The following RGL1 variants were observed in gnomAD, a reference collection of about 807,000 sequenced individuals.
RGL1 encodes ral guanine nucleotide dissociation stimulator-like 1.
A neutral mutation model predicts 95.2 loss-of-function variants in RGL1; 24 were observed. The observed-to-expected ratio is 0.25, with a 90% CI of 0.18 to 0.35. The LOEUF (loss-of-function observed/expected upper bound fraction) is 0.35. Ranked by LOEUF, RGL1 falls within the 10% of genes least tolerant of loss-of-function variation. RGL1 has a pLI of 1.00. For synonymous variants in RGL1, 329 were observed against 344.9 expected, an observed-to-expected ratio of 0.95 and a Z score of 0.51; for missense variants, 715 against 936.3, an observed-to-expected ratio of 0.76 and a Z score of 3.08.
At chr1:183,669,563 G>A (rs1181129183) in intron 1 of RGL1, among the ~76,000 whole-genome samples, 2 of 152,018 alleles carry the variant, frequency 1.3e-5, no homozygotes, top group Non-Finnish European at 2.9e-5. Context: ...TTGTCTTTTA[G>A]TTTGCCTTAT....
At chr1:183,716,118 A>C (rs1349252426) in intron 1 of RGL1, among the ~76,000 whole-genome samples, 1 of 152,198 alleles carries the variant, frequency 6.6e-6, no homozygotes, top group Non-Finnish European at 1.5e-5. Flanking sequence ...AACAATGTTA[A>C]ACCAACTATC....
At chr1:183,902,948 T>A (rs765228871) in intron 12 of RGL1, among the ~76,000 whole-genome samples, 5 of 152,190 alleles carry the variant, frequency 3.3e-5, no homozygotes, top group Non-Finnish European at 5.9e-5. Flanking sequence ...GCTTCAGCAA[T>A]AGCAGGCTTG....
chr1:183,919,818 G>A (rs540815951), intron 16 of RGL1, among the ~76,000 whole-genome samples: 37 of 152,270 alleles, frequency 2.4e-4, no homozygotes, highest in African/African-American at 8.4e-4. Flanking sequence ...CCAAAGCATC[G>A]TTCAGTACCG....
intron 15 of RGL1, among the ~76,000 whole-genome samples, chr1:183,912,660 G>T (rs1362942512): frequency 6.6e-6 from 1 of 152,180 alleles, no homozygotes; most frequent in Admixed American, 6.5e-5. Context: ...CCAAAAGTCA[G>T]TGACTTAAAA....
chr1:183,713,429 A>G (rs1233297631), intron 1 of RGL1, among the ~76,000 whole-genome samples: 1 of 139,538 alleles, frequency 7.2e-6, no homozygotes, highest in African/African-American at 2.7e-5. Context: ...TTATCTTAAA[A>G]ATTCCAGGAT....
intron 1 of RGL1, among the ~76,000 whole-genome samples, chr1:183,706,709 C>T (rs548549970): frequency 0.46 from 460 of 998 alleles, 4 homozygotes; most frequent in East Asian, 0.5. Context: ...TGTGGAGCTG[C>T]GGCCCCCGTG....
chr1:183,789,398 C>G (rs368357664), intron 2 of RGL1, among the ~76,000 whole-genome samples: 10 of 152,156 alleles, frequency 6.6e-5, no homozygotes, highest in Non-Finnish European at 1.5e-4. Context: ...TGTAGTGAGC[C>G]GAGATTGTGC....
Position 183,912,164 on chromosome 1 carries a change from G to C in RGL1, c.1645G>C (p.Glu549Gln). Reference protein sequence around the residue: ...PKSTASGSSGESMDSVSVSSC... With the variant: ...PKSTASGSSGQSMDSVSVSSC... ...GTCCACTGCCAGCGGGAGCTCTGGT[G>C]AAAGCATGGACTCTGTCAGCGTGTC... is the stretch of plus-strand genomic sequence containing the variant. The change falls in exon 15 of 18, where the codon GAA becomes CAA. Residue 549 changes from glutamate to glutamine, a missense_variant. Around this residue, in one of 3 missense-constraint regions of RGL1, gnomAD observed 330 missense variants for 429.6 expected, o/e 0.77. Coordinates refer to ENST00000360851, the MANE Select transcript of RGL1 (RefSeq NM_001297671.3). 6.2e-7 allele frequency: 1 copy of C among 1,614,092 alleles called. No homozygotes were observed. Among genetic ancestry groups the C allele is most frequent in the Non-Finnish European group, 8.5e-7 (1 of 1,180,018 alleles).
At chr1:183,648,327 A>G in intron 1 of RGL1, 2 of 1,614,232 alleles carry the variant, frequency 1.2e-6, no homozygotes, top group African/African-American at 1.3e-5. Flanking sequence ...AGAAAAATAA[A>G]TACTAAGAGT....
At position 183,897,863 on chromosome 1, in the gene RGL1, G is replaced by A. The variant is rs752376538; in HGVS notation, c.1196G>A (p.Arg399His). The A allele has an allele frequency of 5.6e-6, 9 of 1,613,860 alleles. No individual in the cohort carries two copies. The highest frequency in any genetic ancestry group is 2.2e-5 in the East Asian group (1 of 44,886). ...AGCAGTGTGAAAGAAAACCAGAAGC[G>A]TACCCAGAGGCGGCTGCAGCTCCAG... ...LDSSVKENQK[R>H]TQRRLQLQKD... is the part of the protein sequence containing the mutation. Residue 399 changes from arginine (R) to histidine (H), a missense_variant, in exon 10 of 18, where the codon CGT (arginine) becomes CAT (histidine). Transcript: ENST00000360851.
At chr1:183,747,619 G>C (rs919738640) in intron 2 of RGL1, among the ~76,000 whole-genome samples, 14 of 152,114 alleles carry the variant, frequency 9.2e-5, no homozygotes, top group Non-Finnish European at 1.5e-4. Context: ...TTCTTTTGCT[G>C]TGCAGAAGCT....
chr1:183,746,339 C>T (rs1657625439), intron 2 of RGL1, among the ~76,000 whole-genome samples: 1 of 152,084 alleles, frequency 6.6e-6, no homozygotes, highest in Admixed American at 6.5e-5. Context: ...CATGCACACA[C>T]ATATATACAC....
At chr1:183,775,411 T>C (rs1418318756) in intron 2 of RGL1, among the ~76,000 whole-genome samples, 1 of 152,222 alleles carries the variant, frequency 6.6e-6, no homozygotes, top group African/African-American at 2.4e-5. Context: ...TATGAGATAG[T>C]AGCACACAGC....
chr1:183,833,408 C>T (rs747203301), intron 2 of RGL1, among the ~76,000 whole-genome samples: 16 of 152,114 alleles, frequency 1.1e-4, no homozygotes, highest in Admixed American at 2.0e-4. Context: ...TTTAGAATCA[C>T]CTAGGATGCT....
intron 1 of RGL1, among the ~76,000 whole-genome samples, chr1:183,638,059 C>T (rs776179941): frequency 1.1e-4 from 16 of 152,064 alleles, no homozygotes; most frequent in Non-Finnish European, 2.4e-4. Flanking sequence ...CAAATGGAAA[C>T]AGGGATTCAA....
intron 3 of RGL1, among the ~76,000 whole-genome samples, chr1:183,851,338 T>A (rs902596810): frequency 3.5e-4 from 53 of 152,158 alleles, no homozygotes; most frequent in Non-Finnish European, 2.1e-4. Context: ...CTCAGGAATA[T>A]GAGACTTGTT....
chr1:183,857,521 G>A (rs1665232197), intron 3 of RGL1, among the ~76,000 whole-genome samples: 1 of 152,106 alleles, frequency 6.6e-6, no homozygotes, highest in Non-Finnish European at 1.5e-5. Flanking sequence ...GTTGAAGGTC[G>A]GTGTCCACCC....
At chr1:183,838,281 A>G (rs1008561295) in intron 2 of RGL1, among the ~76,000 whole-genome samples, 7 of 152,220 alleles carry the variant, frequency 4.6e-5, no homozygotes, top group African/African-American at 9.6e-5. Flanking sequence ...CCAAGACTCC[A>G]GGAGTACTAC....
At chr1:183,697,184 C>T (rs769180007) in intron 1 of RGL1, among the ~76,000 whole-genome samples, 5 of 152,082 alleles carry the variant, frequency 3.3e-5, no homozygotes, top group Non-Finnish European at 4.4e-5. Flanking sequence ...CCCCTGCTCC[C>T]GCCCCAAACC....
Sources: gnomAD v4.1 joint callset for allele counts (sites outside exome capture counted in the v4.1 genomes callset) on GRCh38, gnomAD v4.1.1 for gene constraint, gnomAD v4.1.1 regional missense constraint, MANE v1.5 for transcripts, NCBI Gene and HGNC (gene_info 2026-07-23, HGNC 2026-07-21) for gene names.